RBM33: variants seen among roughly 807,000 people sequenced by gnomAD.
RBM33 encodes the protein RNA binding motif protein 33.
RBM33 carries 28 observed loss-of-function variants against 132.6 expected under a neutral mutation model. The observed-to-expected ratio is 0.21, with a 90% CI of 0.16 to 0.29. The LOEUF is 0.29. Among genes scored for constraint, RBM33 ranks in the 10% least tolerant of loss-of-function variants. RBM33 has a pLI of 1.00. For synonymous variants in RBM33, 634 were observed against 593.0 expected (o/e 1.07, Z -1.01); for missense variants, 1,291 against 1,518.5 (o/e 0.85, Z 2.49).
intron 8 of RBM33, among the ~76,000 whole-genome samples, chr7:155,716,318 T>TTTTTTG (rs1800461709): frequency 6.9e-6 from 1 of 144,730 alleles, no homozygotes; most frequent in African/African-American, 2.5e-5. Flanking sequence ...TTTCTGCTGT[T>TTTTTTG]TTTTTTTTTT....
intron 1 of RBM33, among the ~76,000 whole-genome samples, chr7:155,650,945 T>G (rs905384213): frequency 6.6e-6 from 1 of 152,168 alleles, no homozygotes; most frequent in African/African-American, 2.4e-5. Context: ...TGGTGTGATC[T>G]CAGCTCACTG....
chr7:155,654,385 T>C (rs77218841), intron 1 of RBM33, among the ~76,000 whole-genome samples: 1 of 152,292 alleles, frequency 6.6e-6, no homozygotes, highest in East Asian at 1.9e-4. Context: ...TTTTATCGAT[T>C]AATTAGTTCT....
chr7:155,673,939 A>AGTTGTTGTTT (rs144951964), intron 3 of RBM33, among the ~76,000 whole-genome samples: 148 of 14,340 alleles, frequency 0.01, 18 homozygotes, highest in East Asian at 0.016. Flanking sequence ...GTTTAGGCTT[A>AGTTGTTGTTT]GTTTTTTTTT....
chr7:155,751,278 A>G (rs1240544232), intron 14 of RBM33, among the ~76,000 whole-genome samples: 2 of 152,112 alleles, frequency 1.3e-5, no homozygotes, highest in African/African-American at 4.8e-5. Context: ...ATGCACAAAA[A>G]CCTTCTTTCC....
chr7:155,705,296 A>ATT (rs1800081208), intron 6 of RBM33, among the ~76,000 whole-genome samples: 1 of 152,228 alleles, frequency 6.6e-6, no homozygotes, highest in South Asian at 2.1e-4. Context: ...ATTTGAAACC[A>ATT]TTTTATTACT....
rs1264666471 is a variant in RBM33 at position 155,738,131 on chromosome 7, C to T, written c.1465C>T (p.Pro489Ser). 41 of 1,613,878 alleles carry T rather than the reference C, an allele frequency of 2.5e-5. No individual in the cohort carries two copies. The highest frequency in any genetic ancestry group is 3.5e-5 in the Non-Finnish European group (41 of 1,179,902). The change falls in exon 11 of 18, where the codon CCT becomes TCT. Residue 489 changes from proline to serine, a missense_variant. Pro to Ser is a moderately conservative substitution (Grantham distance 74, BLOSUM62 -1). Coordinates refer to ENST00000401878, the MANE Select transcript of RBM33 (RefSeq NM_053043.3). ...QRSPPPPPPP[P>S]TLLNSSHPVP... ...AAGTCCCCCTCCACCACCACCGCCT[C>T]CTACCCTTCTTAACAGTAGCCATCC...
In RBM33 at chr7:155,745,342, A is replaced by G. The variant is rs1801481452; in HGVS notation, c.2719A>G (p.Met907Val). Residue 907 changes from methionine to valine, a missense_variant, in exon 14 of 18, where the codon ATG becomes GTG. Physicochemically the swap from Met to Val is conservative, Grantham distance 21 (BLOSUM62 1). This residue lies in a region of RBM33 where 841 missense variants were observed against 912.0 expected (regional missense o/e 0.92). Transcript: ENST00000401878. The surrounding 1 kb of genome is among the most constrained non-coding windows in gnomAD (Gnocchi z 4.1). ...CAACATGCAGTATCAAGGACAACAG[A>G]TGAAAGCACTGAAACATTTGAGACA... ...SANMQYQGQQMKALKHLRQTR... is the reference protein window; with the variant it reads ...SANMQYQGQQVKALKHLRQTR... 6.2e-7 allele frequency: 1 copy of G among 1,613,272 alleles called. No homozygotes were observed. The highest frequency in any genetic ancestry group is 1.7e-5 in the Admixed American group (1 of 59,922).
At chr7:155,673,976 A>C (rs1327448711) in intron 3 of RBM33, among the ~76,000 whole-genome samples, 1 of 17,508 alleles carries the variant, frequency 5.7e-5, no homozygotes, top group East Asian at 1.9e-3. Flanking sequence ...TTTTTTTGAG[A>C]CACAGTCTTA....
chr7:155,710,235 A>G lies in RBM33; in HGVS notation c.949-968A>G, dbSNP rs73734201. ...TCTACTGCTAATTAGCTGTGTCGTC[A>G]GTTTGGTTAGTGATTAAAAGCAAAA... On this transcript the variant is annotated intron_variant, in intron 7 of 17. Transcript: ENST00000401878. 9.5e-3 allele frequency among the ~76,000 whole-genome samples: 1,445 copies of G among 152,330 alleles called. 20 individuals carry two copies. The highest frequency in any genetic ancestry group is 0.033 in the African/African-American group (1,367 of 41,568).
intron 5 of RBM33, among the ~76,000 whole-genome samples, chr7:155,696,714 T>A (rs1316168698): frequency 1.3e-5 from 2 of 152,232 alleles, no homozygotes; most frequent in African/African-American, 4.8e-5. Flanking sequence ...ATGAACCATG[T>A]TCCAGATTTT....
chr7:155,658,384 ATTTT>A (rs71303950), intron 1 of RBM33, among the ~76,000 whole-genome samples: 1 of 122,868 alleles, frequency 8.1e-6, no homozygotes, highest in African/African-American at 3.2e-5. Flanking sequence ...ATATAGTTGG[ATTTT>A]TTTTTTTTTT....
At chr7:155,733,455 G>A (rs927061334) in intron 9 of RBM33, among the ~76,000 whole-genome samples, 3 of 152,194 alleles carry the variant, frequency 2.0e-5, no homozygotes, top group Middle Eastern at 3.2e-3. Context: ...ACTAAAATAG[G>A]GTTGTGACCT....
chr7:155,651,106 G>A (rs1563127014), intron 1 of RBM33, among the ~76,000 whole-genome samples: 1 of 152,178 alleles, frequency 6.6e-6, no homozygotes, highest in Admixed American at 6.5e-5. Context: ...TGGAACTCCT[G>A]ACCTCAGGTG....
intron 14 of RBM33, among the ~76,000 whole-genome samples, chr7:155,752,049 A>T (rs1471962238): frequency 6.6e-6 from 1 of 152,226 alleles, no homozygotes; most frequent in African/African-American, 2.4e-5. Context: ...TGTTGATTTT[A>T]GAATTGTACC....
intron 9 of RBM33, among the ~76,000 whole-genome samples, chr7:155,735,255 T>C (rs1007283231): frequency 1.3e-5 from 2 of 152,210 alleles, no homozygotes; most frequent in Non-Finnish European, 2.9e-5. Flanking sequence ...GATGAAAATA[T>C]TTTTAAAACA....
intron 1 of RBM33, among the ~76,000 whole-genome samples, chr7:155,661,146 A>ATATATATTTTTTTTTT (rs1421586760): frequency 4.9e-5 from 4 of 81,182 alleles, no homozygotes; most frequent in Non-Finnish European, 1.0e-4. Context: ...ATATATATAT[A>ATATATATTTTTTTTTT]TTTTTTTTTT....
intron 14 of RBM33, among the ~76,000 whole-genome samples, chr7:155,761,317 G>T (rs1390446708): frequency 6.6e-6 from 1 of 152,168 alleles, no homozygotes; most frequent in Non-Finnish European, 1.5e-5. Flanking sequence ...GTAATACCAG[G>T]CCCAAAGAAT....
chr7:155,716,953 T>C (rs1016911441), intron 8 of RBM33, among the ~76,000 whole-genome samples: 1 of 152,190 alleles, frequency 6.6e-6, no homozygotes, highest in Non-Finnish European at 1.5e-5. Context: ...CCATGTATGC[T>C]ATCACTTGAA....
At chr7:155,738,749 A>G (rs562185440) in intron 11 of RBM33, 1 of 241,162 alleles carries the variant, frequency 4.1e-6, no homozygotes, top group East Asian at 1.0e-4. Flanking sequence ...TACTTTGTCA[A>G]ATTATATTCC....
Sources: gnomAD v4.1 joint callset for allele counts (sites outside exome capture counted in the v4.1 genomes callset) on GRCh38, gnomAD v4.1.1 for gene constraint, gnomAD v4.1.1 regional missense constraint, Gnocchi (gnomAD v3.1) non-coding constraint, MANE v1.5 for transcripts, NCBI Gene and HGNC (gene_info 2026-07-23, HGNC 2026-07-21) for gene names.